GRID2: variants seen among roughly 807,000 people sequenced by gnomAD.
GRID2 encodes the protein glutamate ionotropic receptor delta type subunit 2, also known as glutamate receptor ionotropic, delta-2.
In GRID2, 33 loss-of-function variants were observed where a neutral mutation model predicts 114.8. The ratio of observed to expected loss-of-function variants is 0.29; its 90% CI spans 0.22 to 0.38. The LOEUF is 0.38. Among genes scored for constraint, GRID2 ranks in the 10% least tolerant of loss-of-function variants. The pLI is 1.00. For synonymous variants in GRID2, 505 were observed against 449.9 expected (o/e 1.12, Z -1.55); for missense variants, 1,184 against 1,257.7 (o/e 0.94, Z 0.89).
intron 13 of GRID2, among the ~76,000 whole-genome samples, chr4:93,540,032 G>T (rs1241203813): frequency 6.6e-6 from 1 of 151,750 alleles, no homozygotes; most frequent in Non-Finnish European, 1.5e-5. Context: ...GGAGTTCCTA[G>T]TATTTATATT....
chr4:92,512,891 C>T (rs1579496274), intron 1 of GRID2, among the ~76,000 whole-genome samples: 1 of 151,926 alleles, frequency 6.6e-6, no homozygotes, highest in East Asian at 2.0e-4. Flanking sequence ...GAAAAAGTAT[C>T]ATTTTAATAG....
At chr4:92,368,992 G>A (rs1728996403) in intron 1 of GRID2, among the ~76,000 whole-genome samples, 3 of 150,680 alleles carry the variant, frequency 2.0e-5, no homozygotes, top group South Asian at 4.2e-4. Context: ...AAGACCGTGT[G>A]AGATCTTAGT....
intron 4 of GRID2, among the ~76,000 whole-genome samples, chr4:93,139,968 A>G (rs6838743): frequency 0.39 from 59,051 of 151,902 alleles, 11,847 homozygotes; most frequent in Admixed American, 0.54. Flanking sequence ...CACATAGCAT[A>G]TAAAGGAAGA....
intron 12 of GRID2, among the ~76,000 whole-genome samples, chr4:93,512,441 G>A (rs1040455319): frequency 1.3e-5 from 2 of 152,096 alleles, no homozygotes; most frequent in Non-Finnish European, 2.9e-5. Context: ...TCCTGAAATG[G>A]CCTTTTCATT....
chr4:93,145,996 A>G (rs986977181), intron 4 of GRID2, among the ~76,000 whole-genome samples: 6 of 152,100 alleles, frequency 3.9e-5, no homozygotes, highest in Admixed American at 2.6e-4. Flanking sequence ...AAAGGTATAT[A>G]TATACACAAT....
chr4:92,412,635 C>A (rs1731394517), intron 1 of GRID2, among the ~76,000 whole-genome samples: 2 of 152,036 alleles, frequency 1.3e-5, no homozygotes, highest in Admixed American at 6.5e-5. Flanking sequence ...ATTCATTACA[C>A]TCAAATTTCA....
intron 1 of GRID2, among the ~76,000 whole-genome samples, chr4:92,492,420 T>C (rs940590362): frequency 4.6e-5 from 7 of 152,212 alleles, no homozygotes; most frequent in Admixed American, 3.3e-4. Flanking sequence ...AGCATTATTC[T>C]GTAATCAGGC....
chr4:93,298,163 T>C (rs17020351), intron 8 of GRID2, among the ~76,000 whole-genome samples: 8,223 of 152,286 alleles, frequency 0.054, 749 homozygotes, highest in African/African-American at 0.19. Flanking sequence ...ATCATCCATC[T>C]AACTGGGCAA....
intron 9 of GRID2, among the ~76,000 whole-genome samples, chr4:93,397,880 T>C (rs1265586876): frequency 1.3e-5 from 2 of 151,876 alleles, no homozygotes; most frequent in Non-Finnish European, 2.9e-5. Flanking sequence ...TATTTATTTT[T>C]GTTATTTTTA....
At chr4:93,059,521 G>A (rs1727575394) in intron 2 of GRID2, among the ~76,000 whole-genome samples, 1 of 152,016 alleles carries the variant, frequency 6.6e-6, no homozygotes, top group Admixed American at 6.6e-5. Context: ...TCACCTGGGG[G>A]AGCAAAATTG....
chr4:93,401,084 T>C (rs573455405), intron 9 of GRID2, among the ~76,000 whole-genome samples: 154 of 151,532 alleles, frequency 1.0e-3, no homozygotes, highest in African/African-American at 3.6e-3. Flanking sequence ...CCTCCCAAAG[T>C]ATTGGGATTA....
chr4:93,005,238 A>T (rs1432267661), intron 2 of GRID2, among the ~76,000 whole-genome samples: 2 of 152,110 alleles, frequency 1.3e-5, no homozygotes, highest in Non-Finnish European at 2.9e-5. Flanking sequence ...TAACATGGTC[A>T]TTCATCAAAA....
intron 1 of GRID2, among the ~76,000 whole-genome samples, chr4:92,524,809 T>C (rs1724967903): frequency 6.6e-6 from 1 of 151,984 alleles, no homozygotes. Context: ...TGGAAACTGA[T>C]ATCTTTGGGA....
chr4:93,764,498 G>C (rs1215572089), intron 14 of GRID2, among the ~76,000 whole-genome samples: 3 of 152,126 alleles, frequency 2.0e-5, no homozygotes, highest in Admixed American at 1.3e-4. Flanking sequence ...TAGCTTTAGA[G>C]TTGCAATAGC....
At chr4:93,252,263 A>G (rs1484032896) in intron 8 of GRID2, among the ~76,000 whole-genome samples, 1 of 149,762 alleles carries the variant, frequency 6.7e-6, no homozygotes, top group Non-Finnish European at 1.5e-5. Flanking sequence ...GAAGGGATCC[A>G]GTTTCAATTT....
At chr4:93,145,680 G>C (rs1388342342) in intron 4 of GRID2, among the ~76,000 whole-genome samples, 1 of 97,476 alleles carries the variant, frequency 1.0e-5, no homozygotes, top group African/African-American at 4.0e-5. Context: ...TTTTTTAGTA[G>C]AGATGGCGTT....
chr4:92,995,485 TA>T (rs754839224), intron 2 of GRID2, among the ~76,000 whole-genome samples: 2 of 152,196 alleles, frequency 1.3e-5, no homozygotes, highest in Admixed American at 6.5e-5. Flanking sequence ...GCTAGTTTTC[TA>T]GAAAAAGAGA....
At chr4:93,110,599 T>A in intron 3 of GRID2, 149 bp from the exon 4 acceptor site, 1 of 650,702 alleles carries the variant, frequency 1.5e-6, no homozygotes, top group Non-Finnish European at 2.8e-6. Context: ...ACCTTAAACA[T>A]ACTTGAGAGT....
At chr4:93,046,637 T>C (rs1037866285) in intron 2 of GRID2, among the ~76,000 whole-genome samples, 1 of 152,010 alleles carries the variant, frequency 6.6e-6, no homozygotes, top group Non-Finnish European at 1.5e-5. Context: ...TGATCCTCTT[T>C]TCTCTTCCTG....
Sources: gnomAD v4.1 joint callset for allele counts (sites outside exome capture counted in the v4.1 genomes callset) on GRCh38, gnomAD v4.1.1 for gene constraint, MANE v1.5 for transcripts, NCBI Gene and HGNC (gene_info 2026-07-23, HGNC 2026-07-21) for gene names.